The following SAMMSON variants were observed in gnomAD, a reference collection of about 807,000 sequenced individuals.
SAMMSON encodes the protein survival associated mitochondrial melanoma specific oncogenic non-coding RNA.
At chr3:70,067,058 G>A (rs73836049) in intron 3 of SAMMSON, among the ~76,000 whole-genome samples, 2,830 of 152,100 alleles carry the variant, frequency 0.019, 96 homozygotes, top group African/African-American at 0.063. Context: ...GTAGTCAATT[G>A]TTGAAAGAAT....
At chr3:70,391,566 ATTGT>A (rs1701048748), downstream of SAMMSON, among the ~76,000 whole-genome samples, 1 of 152,060 alleles carries the variant, frequency 6.6e-6, no homozygotes, top group South Asian at 2.1e-4. Context: ...TATGTGCATA[ATTGT>A]TTGTGTTCAC....
At chr3:70,211,889 C>T (rs1701354487) in intron 4 of SAMMSON, among the ~76,000 whole-genome samples, 1 of 148,808 alleles carries the variant, frequency 6.7e-6, no homozygotes, top group Non-Finnish European at 1.5e-5. Flanking sequence ...TTCTTCCCTT[C>T]CCTTTGTCCT....
intron 3 of SAMMSON, among the ~76,000 whole-genome samples, chr3:70,040,935 C>T (rs140756941): frequency 1.6e-4 from 25 of 152,202 alleles, no homozygotes; most frequent in African/African-American, 5.8e-4. Flanking sequence ...ATCCAGATAT[C>T]GTCTCAAAAC....
chr3:70,300,566 G>A (rs1419123462), intron 7 of SAMMSON, among the ~76,000 whole-genome samples: 1 of 151,874 alleles, frequency 6.6e-6, no homozygotes. Context: ...TCCCTGTTGA[G>A]TGTTTTCAAA....
chr3:70,431,865 C>A (rs963308998), intron 2 of SAMMSON, among the ~76,000 whole-genome samples: 6 of 151,996 alleles, frequency 3.9e-5, no homozygotes, highest in African/African-American at 7.2e-5. Flanking sequence ...TGATTTCTTT[C>A]GCTTAACAAA....
At chr3:70,304,393 T>C (rs977439452) in intron 7 of SAMMSON, among the ~76,000 whole-genome samples, 4 of 152,174 alleles carry the variant, frequency 2.6e-5, no homozygotes, top group Non-Finnish European at 5.9e-5. Flanking sequence ...TCTCATATAT[T>C]CTATTGCCCA....
chr3:70,195,663 GTTCT>G lies in SAMMSON; in HGVS notation n.508-53441_508-53438del, dbSNP rs563331995. ...CCTCAATTCTCCATTTCACTTTTGT[GTTCT>G]TTGTTTGGTTACTCATGCATGATGC... On this transcript the variant is annotated intron_variant and non_coding_transcript_variant, in intron 4 of 9. Transcript: ENST00000642114. Among the ~76,000 whole-genome samples the G allele has an allele frequency of 3.9e-5, 6 of 152,160 alleles. No individual in the cohort carries two copies. In the East Asian group the frequency reaches 1.2e-3, roughly 29 times the overall value.
At chr3:70,086,182 T>C (rs1195119446) in intron 4 of SAMMSON, among the ~76,000 whole-genome samples, 4 of 152,142 alleles carry the variant, frequency 2.6e-5, no homozygotes, top group African/African-American at 9.7e-5. Flanking sequence ...CTGACAAAAA[T>C]CTCTCCTGAG....
At chr3:70,024,294 A>G (rs1329598375) in intron 3 of SAMMSON, among the ~76,000 whole-genome samples, 2 of 152,194 alleles carry the variant, frequency 1.3e-5, no homozygotes, top group Non-Finnish European at 2.9e-5. Flanking sequence ...ATTATTTTTC[A>G]TGATTTATCT....
At chr3:70,170,579 CTTTTTTTTTTTTTTT>C (rs538385626) in intron 4 of SAMMSON, among the ~76,000 whole-genome samples, 1 of 105,496 alleles carries the variant, frequency 9.5e-6, no homozygotes, top group Non-Finnish European at 1.9e-5. Flanking sequence ...CTAGATTTTC[CTTTTTTTTTTTTTTT>C]TTTTTTTGTA....
intron 4 of SAMMSON, among the ~76,000 whole-genome samples, chr3:70,080,541 C>T (rs2067264216): frequency 6.6e-6 from 1 of 152,140 alleles, no homozygotes; most frequent in South Asian, 2.1e-4. Context: ...TTCTCCCTAC[C>T]TTCAGTGCAT....
intron 4 of SAMMSON, among the ~76,000 whole-genome samples, chr3:70,170,486 T>C (rs1328311130): frequency 6.6e-6 from 1 of 151,322 alleles, no homozygotes; most frequent in Non-Finnish European, 1.5e-5. Context: ...TTTTACTTTA[T>C]ACCGCACAAT....
At chr3:70,087,815 T>C (rs1446800191) in intron 4 of SAMMSON, among the ~76,000 whole-genome samples, 1 of 152,086 alleles carries the variant, frequency 6.6e-6, no homozygotes, top group Non-Finnish European at 1.5e-5. Context: ...CAGTCACAGC[T>C]CTAAAAGAAG....
intron 4 of SAMMSON, among the ~76,000 whole-genome samples, chr3:70,175,774 A>G (rs148554986): frequency 3.9e-4 from 59 of 152,214 alleles, no homozygotes; most frequent in African/African-American, 1.4e-3. Context: ...TCTCAGGACT[A>G]TTGCATTATA....
intron 4 of SAMMSON, among the ~76,000 whole-genome samples, chr3:70,161,398 T>C (rs972070030): frequency 6.6e-6 from 1 of 152,050 alleles, no homozygotes; most frequent in Non-Finnish European, 1.5e-5. Flanking sequence ...TTAGAATTTT[T>C]TGAATGCGTT....
chr3:70,208,778 A>G (rs1031968970), intron 4 of SAMMSON, among the ~76,000 whole-genome samples: 148 of 152,002 alleles, frequency 9.7e-4, no homozygotes, highest in Admixed American at 5.5e-3. Context: ...GTAATACACA[A>G]CTGTCTTAGG....
At chr3:70,027,531 A>G (rs746363489) in intron 3 of SAMMSON, among the ~76,000 whole-genome samples, 24 of 152,338 alleles carry the variant, frequency 1.6e-4, no homozygotes, top group Non-Finnish European at 3.1e-4. Flanking sequence ...GTCATCAAAA[A>G]TCAATTTAAT....
intron 4 of SAMMSON, among the ~76,000 whole-genome samples, chr3:70,146,525 T>A (rs1400713090): frequency 6.6e-6 from 1 of 151,982 alleles, no homozygotes; most frequent in South Asian, 2.1e-4. Flanking sequence ...AGTCAATCAA[T>A]GTAATCCACT....
At chr3:70,258,621 C>T (rs1388553489) in intron 6 of SAMMSON, among the ~76,000 whole-genome samples, 4 of 152,244 alleles carry the variant, frequency 2.6e-5, no homozygotes, top group Non-Finnish European at 4.4e-5. Context: ...TATTCATATG[C>T]TCTGACTTAG....
Sources: allele counts gnomAD v4.1 joint callset (sites outside exome capture counted in the v4.1 genomes callset), GRCh38; gene constraint gnomAD v4.1.1; transcripts MANE v1.5; gene names NCBI Gene and HGNC (gene_info 2026-07-23, HGNC 2026-07-21).